DNM3: variants seen among roughly 807,000 people sequenced by gnomAD.
DNM3 encodes the protein dynamin-3.
Under a neutral mutation model 101.6 loss-of-function variants are expected in DNM3, and 47 were observed. That is an observed-to-expected ratio of 0.46 (90% confidence interval 0.37 to 0.59). The LOEUF (loss-of-function observed/expected upper bound fraction) is 0.59. DNM3 is among the 20% of genes least tolerant of loss of function. The pLI is 0.00. For synonymous variants in DNM3, 385 were observed against 387.9 expected, an observed-to-expected ratio of 0.99 and a Z score of 0.09; for missense variants, 849 against 1,085.7, an observed-to-expected ratio of 0.78 and a Z score of 3.06.
chr1:172,090,947 A>G (rs1190690409), intron 12 of DNM3, among the ~76,000 whole-genome samples: 2 of 152,196 alleles, frequency 1.3e-5, no homozygotes, highest in Admixed American at 6.5e-5. Flanking sequence ...AAGAATACTG[A>G]GTATTGCTGA....
rs183703434 is a variant in DNM3 at position 171,881,906 on chromosome 1, C to A, written c.162-39842C>A. On this transcript the variant is annotated intron_variant, in intron 1 of 20. Transcript: ENST00000627582. ...AAAACGTTGCATAACATTTTAGGAA[C>A]TAAATCCTAGAATTTCTTTTAAAAT... is the stretch of plus-strand genomic sequence containing the variant. 4.3e-4 allele frequency among the ~76,000 whole-genome samples: 65 copies of A among 152,270 alleles called. No individual in the cohort carries two copies. The East Asian group carries it at 0.011, about 25-fold the overall frequency.
intron 16 of DNM3, chr1:172,310,024 A>T (rs1299873818): frequency 6.6e-6 from 1 of 152,196 alleles, no homozygotes; most frequent in Admixed American, 6.5e-5. Context: ...GTTAAACTAG[A>T]TGCTTTCCTG....
chr1:172,216,004 T>TAAAAAAAAAAAAAAAAAAAAAA (rs1210412642), intron 14 of DNM3, among the ~76,000 whole-genome samples: 1 of 127,780 alleles, frequency 7.8e-6, no homozygotes, highest in Non-Finnish European at 1.7e-5. Flanking sequence ...ATAATAAAAT[T>TAAAAAAAAAAAAAAAAAAAAAA]AAAAAAAAAA....
At chr1:172,018,243 T>G (rs2047585881) in intron 4 of DNM3, among the ~76,000 whole-genome samples, 1 of 152,188 alleles carries the variant, frequency 6.6e-6, no homozygotes, top group Non-Finnish European at 1.5e-5. Flanking sequence ...TATTTGTTAC[T>G]ACTTCTATTT....
chr1:172,017,103 T>C (rs2047502710), intron 4 of DNM3, among the ~76,000 whole-genome samples: 1 of 152,210 alleles, frequency 6.6e-6, no homozygotes, highest in South Asian at 2.1e-4. Flanking sequence ...CTTTCATATC[T>C]GACATTAGTA....
At chr1:171,966,749 G>T (rs1346423832) in intron 2 of DNM3, among the ~76,000 whole-genome samples, 1 of 152,126 alleles carries the variant, frequency 6.6e-6, no homozygotes, top group Non-Finnish European at 1.5e-5. Context: ...TTCACTTTGG[G>T]GTGGAGTTTC....
chr1:172,237,599 T>C (rs2061594137), intron 14 of DNM3, among the ~76,000 whole-genome samples: 2 of 152,200 alleles, frequency 1.3e-5, no homozygotes, highest in African/African-American at 4.8e-5. Flanking sequence ...TGTACAAATA[T>C]CTTTTAAAGG....
chr1:172,372,147 G>T (rs981447988), intron 17 of DNM3, among the ~76,000 whole-genome samples: 1 of 136,220 alleles, frequency 7.3e-6, no homozygotes, highest in African/African-American at 2.8e-5. Flanking sequence ...TTCCCACCTA[G>T]GAGTGAGAAT....
intron 17 of DNM3, among the ~76,000 whole-genome samples, chr1:172,324,633 A>C (rs2065867211): frequency 6.6e-6 from 1 of 152,196 alleles, no homozygotes; most frequent in Non-Finnish European, 1.5e-5. Flanking sequence ...CCACAAAGTA[A>C]TGGCTAATAT....
intron 2 of DNM3, among the ~76,000 whole-genome samples, chr1:171,924,363 ATAGCTG>A (rs2040399707): frequency 6.6e-6 from 1 of 152,152 alleles, no homozygotes; most frequent in African/African-American, 2.4e-5. Context: ...CTTTTTAACA[ATAGCTG>A]TATCAGTCTA....
At chr1:171,866,658 T>C (rs1164959371) in intron 1 of DNM3, among the ~76,000 whole-genome samples, 1 of 152,184 alleles carries the variant, frequency 6.6e-6, no homozygotes, top group Non-Finnish European at 1.5e-5. Flanking sequence ...AAGTTTAAAT[T>C]AATTTTTCTT....
chr1:171,914,917 G>A (rs1476417276), intron 1 of DNM3, among the ~76,000 whole-genome samples: 2 of 152,126 alleles, frequency 1.3e-5, no homozygotes, highest in African/African-American at 4.8e-5. Context: ...GTAGAGACAT[G>A]TGGGGGTGGG....
chr1:172,406,679 TTTTTTCAAAACTA>T (rs570396970), intron 20 of DNM3, among the ~76,000 whole-genome samples: 162 of 152,162 alleles, frequency 1.1e-3, no homozygotes, highest in African/African-American at 2.5e-3. Context: ...CAACAACTAT[TTTTTTCAAAACTA>T]TTTTTCAAAA....
At chr1:172,039,119 T>C (rs1051530042) in intron 7 of DNM3, among the ~76,000 whole-genome samples, 1 of 152,150 alleles carries the variant, frequency 6.6e-6, no homozygotes, top group Non-Finnish European at 1.5e-5. Flanking sequence ...TAGCTCTTTA[T>C]ATCTTACACT....
chr1:172,332,297 G>T lies in DNM3; in HGVS notation c.1893+8957G>T, dbSNP rs570739691. On this transcript the variant is annotated intron_variant, in intron 17 of 20. Coordinates refer to ENST00000627582, the MANE Select transcript of DNM3 (RefSeq NM_015569.5). ...CATCTGAACATTCATCATCAAGTTG[G>T]CTGGGGCTCCTCTTTTTTTACTTTT... Among the ~76,000 whole-genome samples, 13 of 152,122 alleles carry T rather than the reference G, an allele frequency of 8.5e-5. No individual in the cohort carries two copies. In the South Asian group the frequency reaches 2.7e-3, roughly 32 times the overall value.
At chr1:172,213,492 C>G (rs910778701) in intron 14 of DNM3, among the ~76,000 whole-genome samples, 56 of 56,220 alleles carry the variant, frequency 1.0e-3, no homozygotes, top group African/African-American at 4.9e-3. Context: ...ACAAAGCTTA[C>G]AGAACAATTA....
intron 2 of DNM3, among the ~76,000 whole-genome samples, chr1:171,936,628 C>A (rs1429858440): frequency 6.6e-6 from 1 of 152,016 alleles, no homozygotes; most frequent in African/African-American, 2.4e-5. Context: ...CTATTTCTTC[C>A]TTTCATGGAT....
chr1:172,140,719 A>G (rs938522450), intron 14 of DNM3: 4 of 151,998 alleles, frequency 2.6e-5, no homozygotes, highest in African/African-American at 7.2e-5. Context: ...TTCAGGGGAA[A>G]AAAAAAATCT....
At chr1:172,166,920 TTC>T (rs1446955650) in intron 14 of DNM3, among the ~76,000 whole-genome samples, 1 of 150,698 alleles carries the variant, frequency 6.6e-6, no homozygotes, top group Non-Finnish European at 1.5e-5. Flanking sequence ...AAGCATTGCA[TTC>T]TTTTTTTTTT....
Sources: gnomAD v4.1 joint callset for allele counts (sites outside exome capture counted in the v4.1 genomes callset) on GRCh38, gnomAD v4.1.1 for gene constraint, MANE v1.5 for transcripts, NCBI Gene and HGNC (gene_info 2026-07-23, HGNC 2026-07-21) for gene names.